The following MFSD8 variants were observed in gnomAD, a reference collection of about 807,000 sequenced individuals.
MFSD8 encodes major facilitator superfamily domain-containing protein 8.
MFSD8 carries 55 observed loss-of-function variants against 66.4 expected under a neutral mutation model. The ratio of observed to expected loss-of-function variants is 0.83; its 90% CI spans 0.67 to 1.04. The LOEUF (loss-of-function observed/expected upper bound fraction) is 1.04. Ranked by LOEUF, MFSD8 falls within the 50% of genes least tolerant of loss-of-function variation. The pLI, the probability that MFSD8 is intolerant of heterozygous loss-of-function variation, is 0.00. For missense variants in MFSD8, 550 were observed against 627.6 expected, an observed-to-expected ratio of 0.88 and a Z score of 1.32; for synonymous variants, 202 against 212.8, an observed-to-expected ratio of 0.95 and a Z score of 0.44.
In MFSD8 at chr4:127,918,556, C is replaced by T. The variant is rs965419600; in HGVS notation, c.*2074G>A. 6 of 152,088 alleles carry T rather than the reference C, an allele frequency of 3.9e-5. No individual in the cohort carries two copies. The highest frequency in any genetic ancestry group is 1.4e-4 in the African/African-American group (6 of 41,416). The allele number at this position is 152,088 out of a possible 1,614,324, so 9.4% of individuals were successfully genotyped here. ...CTCCAGTCAGTGGGCTTATGTTGCC[C>T]AAATATTTCTGCTAGTAGGACTCAC... On this transcript the variant is annotated 3_prime_UTR_variant, in exon 12 of 12. Transcript: ENST00000641686.
chr4:127,954,720 G>C (rs972171998), intron 2 of MFSD8, among the ~76,000 whole-genome samples: 3 of 152,140 alleles, frequency 2.0e-5, no homozygotes, highest in African/African-American at 7.2e-5. Flanking sequence ...TCCTGGAATG[G>C]GAGAAAATAT....
intron 9 of MFSD8, among the ~76,000 whole-genome samples, chr4:127,923,766 A>G (rs1325951057): frequency 6.6e-6 from 1 of 151,136 alleles, no homozygotes; most frequent in Non-Finnish European, 1.5e-5. Context: ...TATTTTTAGT[A>G]GAGATGGGGT....
chr4:127,938,602 AATAAAT>A lies in MFSD8; in HGVS notation c.754+175_754+180del, dbSNP rs1560744982. On this transcript the variant is annotated intron_variant, in intron 7 of 11. Coordinates refer to ENST00000641686, the MANE Select transcript of MFSD8 (RefSeq NM_001371596.2). ...TGTCTCAAAAAAAAAAAAATAAATA[AATAAAT>A]AAATAAATAAATAAATAAATAAATA... is the stretch of plus-strand genomic sequence containing the variant. 2.4e-3 allele frequency among the ~76,000 whole-genome samples: 331 copies of A among 136,624 alleles called. 11 individuals are homozygous for A. The highest frequency in any genetic ancestry group is 9.0e-3 in the African/African-American group (313 of 34,678). 89.6% of individuals were successfully genotyped at this position (136,624 alleles called of 152,430 possible).
Position 127,930,704 on chromosome 4 carries a change from C to T in MFSD8, c.977G>A (p.Gly326Glu). Residue 326 changes from glycine (G) to glutamate (E), a missense_variant, in exon 9 of 12, where the codon GGA (glycine) becomes GAA (glutamate). Transcript: ENST00000641686. Reference protein sequence around the residue: ...LGVEAVVIFLGVKLLSKKIGE... With the variant: ...LGVEAVVIFLEVKLLSKKIGE... ...TTACTTTTTGGAAAGCAACTTAACTCCTAAGAAAATAACAACGGCTTCAAC... is the reference window on the plus strand; with the variant it reads ...TTACTTTTTGGAAAGCAACTTAACTTCTAAGAAAATAACAACGGCTTCAAC... 6.2e-7 allele frequency: 1 copy of T among 1,613,282 alleles called. No individual in the cohort carries two copies. The highest frequency in any genetic ancestry group is 1.1e-5 in the South Asian group (1 of 90,952).
intron 7 of MFSD8, among the ~76,000 whole-genome samples, chr4:127,937,052 T>C (rs1739206608): frequency 6.6e-6 from 1 of 152,248 alleles, no homozygotes; most frequent in Non-Finnish European, 1.5e-5. Context: ...CTTTGTGTTT[T>C]ATTTTGAAAG....
rs1421635169 is a variant in MFSD8 at position 127,957,527 on chromosome 4, T to C, written c.128A>G (p.Tyr43Cys). The part of the protein sequence containing the change: ...KSRWRSIRIL[Y>C]LTMFLSSVGF... ...TACACTGCTGAGAAACATAGTAAGA[T>C]ATAAAATCCTAATAGATCTCCATCG... The change falls in exon 2 of 12, where the codon TAT becomes TGT. Residue 43 changes from tyrosine (Y) to cysteine (C), a missense_variant. Transcript: ENST00000641686. 6.2e-7 allele frequency: 1 copy of C among 1,610,320 alleles called. No individual in the cohort carries two copies. Among genetic ancestry groups the C allele is most frequent in the Non-Finnish European group, 8.5e-7 (1 of 1,176,988 alleles).
intron 3 of MFSD8, among the ~76,000 whole-genome samples, chr4:127,946,959 C>T (rs989768633): frequency 6.6e-6 from 1 of 151,598 alleles, no homozygotes; most frequent in African/African-American, 2.4e-5. Flanking sequence ...TCCTAACAAT[C>T]TAGACAATCT....
chr4:127,945,026 C>T (rs1258997358), intron 3 of MFSD8, among the ~76,000 whole-genome samples: 6 of 152,134 alleles, frequency 3.9e-5, no homozygotes, highest in African/African-American at 1.4e-4. Flanking sequence ...TAGGCTAAGC[C>T]AGGCGAAGTG....
chr4:127,921,359 A>G, intron 11 of MFSD8, 165 bp downstream of exon 11: 1 of 1,172,016 alleles, frequency 8.5e-7, no homozygotes, highest in Non-Finnish European at 1.2e-6. Flanking sequence ...TAACCTACCC[A>G]AGAATGAACT....
chr4:127,962,572 G>A (rs936074854), intron 1 of MFSD8, among the ~76,000 whole-genome samples: 8 of 144,494 alleles, frequency 5.5e-5, no homozygotes, highest in African/African-American at 2.1e-4. Context: ...TATCAGCATC[G>A]ATATTCATTT....
chr4:127,930,543 GA>G, intron 9 of MFSD8, 139 bp downstream of exon 9: 1 of 937,854 alleles, frequency 1.1e-6, no homozygotes, highest in Non-Finnish European at 1.6e-6. Flanking sequence ...ATAGAAATAT[GA>G]TAATCTCTTA....
intron 2 of MFSD8, among the ~76,000 whole-genome samples, chr4:127,953,995 C>T (rs1179256688): frequency 2.0e-5 from 3 of 152,014 alleles, no homozygotes; most frequent in African/African-American, 2.4e-5. Context: ...TCCTTAATTC[C>T]TCTCAGGGGA....
In MFSD8 at chr4:127,930,673, C is replaced by T; in HGVS notation, c.998+10G>A. 3 of 1,613,188 alleles carry T rather than the reference C, an allele frequency of 1.9e-6. No homozygotes were observed. In the East Asian group the frequency reaches 6.7e-5, roughly 36 times the overall value. ...AAAAACAGACATAAAACCAAAAACA[C>T]TTAACTTACTTTTTGGAAAGCAACT... is the stretch of plus-strand genomic sequence containing the variant. On this transcript the variant is annotated intron_variant, in intron 9 of 11. Coordinates refer to ENST00000641686, the MANE Select transcript of MFSD8 (RefSeq NM_001371596.2).
chr4:127,965,281 G>C, upstream of MFSD8: 3 of 1,000,682 alleles, frequency 3.0e-6, no homozygotes, highest in Non-Finnish European at 4.6e-6. Flanking sequence ...CGAGGTCATA[G>C]GCGGGGTCAC....
intron 7 of MFSD8, among the ~76,000 whole-genome samples, chr4:127,934,082 T>A (rs984549657): frequency 1.2e-4 from 19 of 152,040 alleles, no homozygotes; most frequent in Middle Eastern, 3.4e-3. Context: ...CTACTAAAAA[T>A]ACAAAAAAGA....
In MFSD8 at chr4:127,919,283, T is replaced by A. The variant is rs1237759397; in HGVS notation, c.*1347A>T. The A allele has an allele frequency of 6.6e-6, 1 of 152,198 alleles. No homozygotes were observed. Among genetic ancestry groups the A allele is most frequent in the African/African-American group, 2.4e-5 (1 of 41,448 alleles). 9.4% of individuals were successfully genotyped at this position (152,198 alleles called of 1,614,324 possible). A position where few individuals can be genotyped will look rare whatever the true frequency, so the allele number is the denominator to read the frequency against. Reference sequence around the variant, plus strand: ...TTGAATTCCTGGCCTCAAGCAATCCTCCTGCCTTGGCCTTCCAAAGTGCTG... The same window carrying A: ...TTGAATTCCTGGCCTCAAGCAATCCACCTGCCTTGGCCTTCCAAAGTGCTG... On this transcript the variant is annotated 3_prime_UTR_variant, in exon 12 of 12. Transcript: ENST00000641686.
intron 7 of MFSD8, among the ~76,000 whole-genome samples, chr4:127,938,211 C>T (rs1202827750): frequency 6.6e-6 from 1 of 152,112 alleles, no homozygotes; most frequent in East Asian, 1.9e-4. Flanking sequence ...AGGATACTGG[C>T]TCTCTGAAAA....
upstream of MFSD8, chr4:127,965,533 T>C: frequency 3.4e-6 from 1 of 295,272 alleles, no homozygotes; most frequent in South Asian, 3.4e-5. Flanking sequence ...AGTTGAGTCC[T>C]GGAAAGGGAG....
At chr4:127,948,985 TAAGGA>T (rs1049683999) in intron 3 of MFSD8, among the ~76,000 whole-genome samples, 7 of 152,200 alleles carry the variant, frequency 4.6e-5, no homozygotes, top group African/African-American at 1.7e-4. Context: ...TTTCAGGAAG[TAAGGA>T]GAGGACAACA....
Sources: allele counts gnomAD v4.1 joint callset (sites outside exome capture counted in the v4.1 genomes callset), GRCh38; gene constraint gnomAD v4.1.1; transcripts MANE v1.5; gene names NCBI Gene and HGNC (gene_info 2026-07-23, HGNC 2026-07-21).